Variants in AFG2A observed in about 807,000 individuals in gnomAD.
AFG2A encodes the protein AAA ATPase AFG2A, also known as ATPase family gene 2 protein homolog A.
At chr4:123,145,006 C>T in the AFG2A span, among the ~76,000 whole-genome samples, 1 of 152,058 alleles carries the variant, frequency 6.6e-6, no homozygotes, top group African/African-American at 2.4e-5. Flanking sequence ...AGAAGATCCA[C>T]TCAGCATTTA....
the AFG2A span, among the ~76,000 whole-genome samples, chr4:123,048,603 C>T: frequency 7.2e-5 from 11 of 151,824 alleles, no homozygotes; most frequent in Non-Finnish European, 1.5e-4. Flanking sequence ...AAATTTATTC[C>T]TAGGTTTTTG....
chr4:123,159,142 T>G, the AFG2A span, among the ~76,000 whole-genome samples: 1 of 152,178 alleles, frequency 6.6e-6, no homozygotes, highest in African/African-American at 2.4e-5. Flanking sequence ...CAGGCCTGAT[T>G]AAAAGTATGT....
chr4:122,932,907 T>C, the AFG2A span, among the ~76,000 whole-genome samples: 1 of 152,246 alleles, frequency 6.6e-6, no homozygotes, highest in Non-Finnish European at 1.5e-5. Context: ...AGTTATTAAT[T>C]AGAGTCTTTC....
At chr4:123,181,054 G>A in the AFG2A span, among the ~76,000 whole-genome samples, 9 of 147,506 alleles carry the variant, frequency 6.1e-5, no homozygotes, top group African/African-American at 1.2e-4. Context: ...GCGCGATCTC[G>A]GCTCACTGCA....
At chr4:123,271,763 C>T in the AFG2A span, among the ~76,000 whole-genome samples, 3 of 152,178 alleles carry the variant, frequency 2.0e-5, no homozygotes, top group Non-Finnish European at 4.4e-5. Flanking sequence ...GATGCACATA[C>T]ATTTGAATAC....
chr4:123,078,082 C>T, the AFG2A span, among the ~76,000 whole-genome samples: 1 of 152,178 alleles, frequency 6.6e-6, no homozygotes. Flanking sequence ...AGGGAACATT[C>T]TAGTTAAGGC....
the AFG2A span, among the ~76,000 whole-genome samples, chr4:123,237,904 G>A: frequency 2.6e-5 from 4 of 152,198 alleles, no homozygotes; most frequent in South Asian, 2.1e-4. Context: ...AAGGGGTTGT[G>A]GGATTTCCCT....
At chr4:122,998,096 C>A in the AFG2A span, among the ~76,000 whole-genome samples, 1 of 152,002 alleles carries the variant, frequency 6.6e-6, no homozygotes, top group Non-Finnish European at 1.5e-5. Context: ...TTAGTTGTCT[C>A]TTTCACTTTC....
At chr4:122,954,111 C>G in the AFG2A span, among the ~76,000 whole-genome samples, 1 of 152,204 alleles carries the variant, frequency 6.6e-6, no homozygotes, top group Non-Finnish European at 1.5e-5. Context: ...CATCTGGCCA[C>G]GCTTCATTGC....
the AFG2A span, among the ~76,000 whole-genome samples, chr4:123,183,313 A>G: frequency 6.6e-6 from 1 of 152,190 alleles, no homozygotes; most frequent in African/African-American, 2.4e-5. Context: ...ATAACATGTA[A>G]ATGCTTGCTA....
the AFG2A span, among the ~76,000 whole-genome samples, chr4:123,011,238 T>A: frequency 1.3e-5 from 2 of 152,244 alleles, no homozygotes; most frequent in Admixed American, 1.3e-4. Context: ...CCCAGAGATA[T>A]CTTCTGTCTT....
chr4:123,096,143 A>C, the AFG2A span, among the ~76,000 whole-genome samples: 1 of 152,076 alleles, frequency 6.6e-6, no homozygotes, highest in Non-Finnish European at 1.5e-5. Context: ...CTGGTGAAAT[A>C]ATTGCTTGTG....
the AFG2A span, among the ~76,000 whole-genome samples, chr4:122,955,686 C>T: frequency 5.3e-5 from 8 of 152,152 alleles, no homozygotes; most frequent in Admixed American, 5.2e-4. Flanking sequence ...GAATATCTTA[C>T]TGTTGGTGGA....
chr4:123,041,438 T>A, the AFG2A span, among the ~76,000 whole-genome samples: 1 of 150,606 alleles, frequency 6.6e-6, no homozygotes, highest in Non-Finnish European at 1.5e-5. Flanking sequence ...ATTCTTTTCA[T>A]GTATCTGTCT....
chr4:123,141,736 A>G, the AFG2A span, among the ~76,000 whole-genome samples: 2 of 152,134 alleles, frequency 1.3e-5, no homozygotes, highest in South Asian at 4.1e-4. Context: ...TTTTTTGCCC[A>G]CTTTTGAGCT....
the AFG2A span, among the ~76,000 whole-genome samples, chr4:123,040,189 C>G: frequency 6.6e-6 from 1 of 151,656 alleles, no homozygotes; most frequent in African/African-American, 2.4e-5. Flanking sequence ...TTTGAAATTG[C>G]TTTTTTTGTG....
the AFG2A span, chr4:122,933,375 A>G: frequency 1.6e-6 from 2 of 1,266,032 alleles, no homozygotes; most frequent in Non-Finnish European, 2.3e-6. Flanking sequence ...ATGTAATTTT[A>G]CATCACAGTT....
At chr4:123,174,872 C>T in the AFG2A span, among the ~76,000 whole-genome samples, 7 of 151,888 alleles carry the variant, frequency 4.6e-5, no homozygotes, top group South Asian at 4.2e-4. Flanking sequence ...GCTTTGTCAT[C>T]CAGGTTGGAG....
chr4:123,299,751 A>G, the AFG2A span, among the ~76,000 whole-genome samples: 3,702 of 152,304 alleles, frequency 0.024, 146 homozygotes, highest in African/African-American at 0.084. Flanking sequence ...TACTAAATGT[A>G]CATACTCAAA....
Sources: allele counts gnomAD v4.1 joint callset (sites outside exome capture counted in the v4.1 genomes callset), GRCh38; gene constraint gnomAD v4.1.1; transcripts MANE v1.5; gene names NCBI Gene and HGNC (gene_info 2026-07-23, HGNC 2026-07-21).